KANK1: variants seen among roughly 807,000 people sequenced by gnomAD.
KANK1 encodes KN motif and ankyrin repeat domain-containing protein 1.
Under a neutral mutation model 106.2 loss-of-function variants are expected in KANK1, and 109 were observed. The observed-to-expected ratio is 1.03, with a 90% CI of 0.88 to 1.20. The LOEUF is 1.20. Ranked by LOEUF, KANK1 falls within the 50% of genes most tolerant of loss-of-function variation. The probability of loss-of-function intolerance (pLI) is 0.00; values close to 1 mark genes in which losing one functional copy is unlikely to be tolerated. For synonymous variants in KANK1, 873 were observed against 652.2 expected (o/e 1.34, Z -5.16); for missense variants, 2,399 against 1,710.7 (o/e 1.40, Z -7.10).
chr9:742,705 A>G (rs1243561132), intron 10 of KANK1, among the ~76,000 whole-genome samples: 3 of 152,224 alleles, frequency 2.0e-5, no homozygotes, highest in South Asian at 2.1e-4. Context: ...AGGGAAATCA[A>G]TGGATTTGCA....
chr9:472,205 C>T (rs1195054595), intron 2 of KANK1, among the ~76,000 whole-genome samples: 2 of 152,226 alleles, frequency 1.3e-5, no homozygotes, highest in Admixed American at 1.3e-4. Context: ...GCAGTTGTCT[C>T]TTCTGAGTGA....
intron 1 of KANK1, among the ~76,000 whole-genome samples, chr9:673,200 CTTT>C (rs542647158): frequency 2.9e-4 from 28 of 97,844 alleles, no homozygotes; most frequent in East Asian, 1.4e-3. Flanking sequence ...ACAGTGTCTT[CTTT>C]TTTTTTTTTT....
chr9:699,254 G>A (rs1199774305), intron 2 of KANK1, among the ~76,000 whole-genome samples: 1 of 152,188 alleles, frequency 6.6e-6, no homozygotes, highest in Non-Finnish European at 1.5e-5. Flanking sequence ...TCACTTGTCT[G>A]TCTCCTCCTA....
chr9:707,053 A>G, intron 2 of KANK1: 1 of 985,426 alleles, frequency 1.0e-6, no homozygotes, highest in Non-Finnish European at 1.2e-6. Context: ...GGGTGGTGTC[A>G]CTGCAGCCGG....
chr9:657,555 T>C (rs1842422661), intron 1 of KANK1, among the ~76,000 whole-genome samples: 1 of 152,066 alleles, frequency 6.6e-6, no homozygotes, highest in African/African-American at 2.4e-5. Flanking sequence ...TTTTTTGTTG[T>C]TGTTTGTTCT....
intron 1 of KANK1, among the ~76,000 whole-genome samples, chr9:581,016 G>A (rs1463831812): frequency 6.6e-6 from 1 of 151,914 alleles, no homozygotes; most frequent in East Asian, 1.9e-4. Flanking sequence ...TGGCTGGAGT[G>A]CTAAGCCCCT....
Position 711,888 on chromosome 9 carries a change from G to C in KANK1, c.1122G>C (p.Met374Ile). Residue 374 changes from methionine to isoleucine, a missense_variant, in exon 3 of 12, where the codon ATG (methionine) becomes ATC (isoleucine). By Grantham distance (10) the Met-to-Ile change is conservative. Transcript: ENST00000382297. ...AGTTCCGGCAACTTACAGCAGACAT[G>C]CAAGCCCTGGAGCAGAAGATCCAGG... The part of the protein sequence containing the change: ...IKEFRQLTAD[M>I]QALEQKIQDS... 6.2e-7 allele frequency: 1 copy of C among 1,614,194 alleles called. No homozygotes were observed. The highest frequency in any genetic ancestry group is 8.5e-7 in the Non-Finnish European group (1 of 1,180,028).
At chr9:731,451 T>C (rs147245056) in intron 5 of KANK1, 185 bp downstream of exon 5, 3 of 486,832 alleles carry the variant, frequency 6.2e-6, no homozygotes, top group African/African-American at 3.9e-5. Context: ...CTTTAAGGAT[T>C]TGTCACTCTC....
chr9:647,716 T>A (rs748096889), intron 1 of KANK1, among the ~76,000 whole-genome samples: 15 of 150,936 alleles, frequency 9.9e-5, no homozygotes, highest in Non-Finnish European at 2.1e-4. Flanking sequence ...AGCTATTTTT[T>A]ACTTGTTAAC....
chr9:569,215 A>C (rs191969785), intron 1 of KANK1, among the ~76,000 whole-genome samples: 6 of 151,922 alleles, frequency 3.9e-5, no homozygotes, highest in Admixed American at 3.9e-4. Context: ...ATAGCTTCCT[A>C]TCTCTATATG....
chr9:743,691 TC>T (rs1006198740), intron 10 of KANK1, among the ~76,000 whole-genome samples: 1 of 151,768 alleles, frequency 6.6e-6, no homozygotes, highest in African/African-American at 2.4e-5. Context: ...ATAGTGAGAC[TC>T]CCATCTCTAC....
intron 1 of KANK1, among the ~76,000 whole-genome samples, chr9:601,586 G>T (rs761945464): frequency 6.6e-6 from 1 of 151,850 alleles, no homozygotes; most frequent in Non-Finnish European, 1.5e-5. Context: ...GTTACTTGAT[G>T]TCAGTTTCCC....
chr9:503,822 G>C (rs1381286200), upstream of KANK1, among the ~76,000 whole-genome samples: 1 of 152,148 alleles, frequency 6.6e-6, no homozygotes, highest in Non-Finnish European at 1.5e-5. Context: ...GGACCTACTG[G>C]ATTGCTCCAA....
At chr9:554,147 G>C (rs146029815) in intron 1 of KANK1, among the ~76,000 whole-genome samples, 2 of 152,308 alleles carry the variant, frequency 1.3e-5, no homozygotes, top group East Asian at 3.9e-4. Flanking sequence ...GTCCCAGGAT[G>C]TTCCCCAAGA....
intron 1 of KANK1, chr9:660,330 C>T: frequency 4.8e-6 from 1 of 209,312 alleles, no homozygotes; most frequent in South Asian, 9.0e-5. Flanking sequence ...GTTTTAACTG[C>T]TGTGGCTCGC....
chr9:535,332 C>T (rs530709422), intron 1 of KANK1, among the ~76,000 whole-genome samples: 7 of 152,292 alleles, frequency 4.6e-5, no homozygotes, highest in South Asian at 4.1e-4. Flanking sequence ...AAAGGCCCTA[C>T]GTCTTCCCTG....
At chr9:707,106 C>T (rs1824465948) in intron 2 of KANK1, 1 of 985,444 alleles carries the variant, frequency 1.0e-6, no homozygotes, top group Non-Finnish European at 1.2e-6. Flanking sequence ...GGCATCCGAG[C>T]GTGGCCGGCC....
At chr9:744,711 C>G (rs766195629) in intron 11 of KANK1, 122 bp downstream of exon 11, 10 of 1,577,044 alleles carry the variant, frequency 6.3e-6, no homozygotes, top group East Asian at 2.3e-5. Flanking sequence ...AAGTTTTAGT[C>G]TGGAGCTTAA....
At chr9:720,191 G>C (rs529909778) in intron 3 of KANK1, among the ~76,000 whole-genome samples, 1 of 152,296 alleles carries the variant, frequency 6.6e-6, no homozygotes, top group East Asian at 1.9e-4. Flanking sequence ...TTATAAGTTT[G>C]AGTTAATGAT....
Sources: gnomAD v4.1 joint callset for allele counts (sites outside exome capture counted in the v4.1 genomes callset) on GRCh38, gnomAD v4.1.1 for gene constraint, MANE v1.5 for transcripts, NCBI Gene and HGNC (gene_info 2026-07-23, HGNC 2026-07-21) for gene names.